Variants in MYH14 observed in about 807,000 individuals in gnomAD.
MYH14 encodes the protein myosin-14.
MYH14 carries 123 observed loss-of-function variants against 255.5 expected under a neutral mutation model. That is an observed-to-expected ratio of 0.48 (90% CI 0.42 to 0.56). The LOEUF is 0.56. Ranked by LOEUF, MYH14 falls within the 20% of genes least tolerant of loss-of-function variation. The pLI, the probability that MYH14 is intolerant of heterozygous loss-of-function variation, is 0.00. For missense variants in MYH14, 2,423 were observed against 2,802.3 expected (o/e 0.86, Z 3.06); for synonymous variants, 1,095 against 1,161.2 (o/e 0.94, Z 1.16).
chr19:50,218,597 C>G (rs1037726391), intron 3 of MYH14, among the ~76,000 whole-genome samples: 2 of 149,154 alleles, frequency 1.3e-5, no homozygotes, highest in African/African-American at 4.9e-5. Flanking sequence ...GACTCTGTCT[C>G]AAAAAAAAAA....
At chr19:50,247,798 G>C (rs1274756262) in intron 12 of MYH14, among the ~76,000 whole-genome samples, 1 of 152,082 alleles carries the variant, frequency 6.6e-6, no homozygotes, top group Non-Finnish European at 1.5e-5. Context: ...GGGTGTGGGG[G>C]CTCATGCCTG....
At chr19:50,222,969 C>A in intron 3 of MYH14, 114 bp from the exon 4 acceptor site, 2 of 1,066,016 alleles carry the variant, frequency 1.9e-6, no homozygotes, top group Non-Finnish European at 2.9e-6. Context: ...AAGACCCAAG[C>A]TTTTCCTTAC....
rs1402533330 is a variant in MYH14 at position 50,278,405 on chromosome 19, CAT to C, written c.4032+118_4032+119del. The C allele has an allele frequency of 1.5e-5, 11 of 737,114 alleles. No homozygotes were observed. In the Admixed American group the frequency reaches 3.1e-4, roughly 21 times the overall value. The allele number at this position is 737,114 out of a possible 1,614,324, so 45.7% of individuals were successfully genotyped here. A position where few individuals can be genotyped will look rare whatever the true frequency, so the allele number is the denominator to read the frequency against. On this transcript the variant is annotated intron_variant, in intron 30 of 42. Coordinates refer to ENST00000642316, the MANE Select transcript of MYH14 (RefSeq NM_001145809.2). ...CAATTGTCTCGTTTGGCTCTTCCAA[CAT>C]AATCATGTACAAGTCTGGGCACAGT... is the stretch of plus-strand genomic sequence containing the variant.
chr19:50,218,278 C>T (rs144096249), intron 3 of MYH14, among the ~76,000 whole-genome samples: 5 of 152,156 alleles, frequency 3.3e-5, no homozygotes, highest in African/African-American at 1.2e-4. Flanking sequence ...CCATGCCTGG[C>T]CTCTTTTTAA....
chr19:50,221,288 T>A lies in MYH14; in HGVS notation c.563-1795T>A, dbSNP rs1477999978. Among the ~76,000 whole-genome samples the A allele has an allele frequency of 1.3e-5, 2 of 152,128 alleles. No individual in the cohort carries two copies. Among genetic ancestry groups the A allele is most frequent in the Non-Finnish European group, 2.9e-5 (2 of 68,022 alleles). ...CAGAGGCACAAAGCAACTCAGAGAC[T>A]GGCCCAAGGTCACGCAGCAAGTCAG... On this transcript the variant is annotated intron_variant, in intron 3 of 42. Coordinates refer to ENST00000642316, the MANE Select transcript of MYH14 (RefSeq NM_001145809.2). This position sits in a 1 kb window ranked among gnomAD's most constrained non-coding sequence, Gnocchi z 5.3.
chr19:50,255,119 TCCTGCCAC>T, intron 16 of MYH14, 93 bp from the exon 17 acceptor site: 3 of 774,058 alleles, frequency 3.9e-6, no homozygotes, highest in Admixed American at 2.0e-5. Flanking sequence ...CTCTTTTTCT[TCCTGCCAC>T]CTCCTCTCCT....
chr19:50,286,612 G>A lies in MYH14; in HGVS notation c.4670G>A (p.Arg1557His), dbSNP rs376288859. ...TRALEEEQEA[R>H]EELERQNRAL... Reference sequence around the variant, plus strand: ...GCACTGGAGGAGGAGCAGGAGGCACGTGAGGAGCTGGAGCGGCAGAACCGG... The same window carrying A: ...GCACTGGAGGAGGAGCAGGAGGCACATGAGGAGCTGGAGCGGCAGAACCGG... Residue 1557 changes from arginine (R) to histidine (H), a missense_variant, in exon 34 of 43, where the codon CGT becomes CAT. Arg to His is a conservative substitution (Grantham distance 29). Coordinates refer to ENST00000642316, the MANE Select transcript of MYH14 (RefSeq NM_001145809.2). 4.8e-5 allele frequency: 77 copies of A among 1,602,770 alleles called. No homozygotes were observed. The African/African-American group carries it at 6.9e-4, about 14-fold the overall frequency.
At chr19:50,273,077 G>T (rs2035369614) in intron 27 of MYH14, among the ~76,000 whole-genome samples, 1 of 152,076 alleles carries the variant, frequency 6.6e-6, no homozygotes, top group South Asian at 2.1e-4. Flanking sequence ...GATCACTTGA[G>T]GTCAGGAGTT....
At chr19:50,206,049 T>C (rs139103437) in intron 1 of MYH14, among the ~76,000 whole-genome samples, 249 of 152,156 alleles carry the variant, frequency 1.6e-3, no homozygotes, top group Non-Finnish European at 3.0e-3. Context: ...TTCCTGCTGG[T>C]TGAGGAAGGG....
rs368210197 is a variant in MYH14, at chr19:50,230,568, G to C, written c.918G>C (p.Glu306Asp). The change falls in exon 9 of 43, where the codon GAG becomes GAC. Residue 306 changes from glutamate to aspartate, a missense_variant. Around this residue, in one of 3 missense-constraint regions of MYH14, gnomAD observed 672 missense variants for 881.8 expected, o/e 0.76. Transcript: ENST00000642316. This position sits in a 1 kb window ranked among gnomAD's most constrained non-coding sequence, Gnocchi z 4.7. ...KSRAIRQAKD[E>D]CSFHIFYQLL... ...GGGCCATCCGCCAGGCCAAGGACGA[G>C]TGCAGCTTCCACATCTTCTACCAGC... The C allele has an allele frequency of 1.3e-6, 2 of 1,572,438 alleles. No homozygotes were observed.
At chr19:50,231,732 A>AAAGAG (rs779680153) in intron 9 of MYH14, among the ~76,000 whole-genome samples, 198 bp from the exon 10 acceptor site, 45 of 46,226 alleles carry the variant, frequency 9.7e-4, no homozygotes, top group South Asian at 1.1e-3. Flanking sequence ...AAAAAAAAAA[A>AAAGAG]ATAGAGACAG....
Position 50,293,207 on chromosome 19 carries a change from C to T in MYH14, c.5257-26C>T. The stretch of plus-strand genomic sequence containing the variant: ...TGCCCAGATTGCTTCTCCTCACACC[C>T]ACCGGCCACCCCTCCATCATCACAG... On this transcript the variant is annotated intron_variant, in intron 37 of 42. Coordinates refer to ENST00000642316, the MANE Select transcript of MYH14 (RefSeq NM_001145809.2). This position sits in a 1 kb window ranked among gnomAD's most constrained non-coding sequence, Gnocchi z 4.1. 2 of 1,561,034 alleles carry T rather than the reference C, an allele frequency of 1.3e-6. No individual in the cohort carries two copies. Among genetic ancestry groups the T allele is most frequent in the South Asian group, 2.3e-5 (2 of 85,398 alleles).
At chr19:50,226,772 G>A in intron 7 of MYH14, 131 bp from the exon 8 acceptor site, 1 of 812,772 alleles carries the variant, frequency 1.2e-6, no homozygotes, top group Non-Finnish European at 2.0e-6. Flanking sequence ...TGGGGTTCAG[G>A]TAGAGGGAGC....
chr19:50,210,499 C>G lies in MYH14; in HGVS notation c.134C>G (p.Ser45Cys), dbSNP rs2032124158. ...SAGGGPGSGT[S>C]PQVEWTARRL... is the part of the protein sequence containing the mutation. ...GGTGGCGGGCCTGGCTCGGGCACCT[C>G]CCCGCAGGTGGAGTGGACGGCCCGG... is the stretch of plus-strand genomic sequence containing the variant. Residue 45 changes from serine (S) to cysteine (C), a missense_variant, in exon 2 of 43, where the codon TCC (serine) becomes TGC (cysteine). Transcript: ENST00000642316. 1 of 1,562,846 alleles carries G rather than the reference C, an allele frequency of 6.4e-7. No individual in the cohort carries two copies. The highest frequency in any genetic ancestry group is 8.7e-7 in the Non-Finnish European group (1 of 1,155,796).
At chr19:50,289,724 C>G (rs964053422) in intron 35 of MYH14, 76 bp downstream of exon 35, 3 of 1,367,052 alleles carry the variant, frequency 2.2e-6, no homozygotes, top group Non-Finnish European at 2.0e-6. Context: ...GCAAGAAGGG[C>G]AGCAAGGGGT....
chr19:50,219,094 T>A (rs67602277), intron 3 of MYH14, among the ~76,000 whole-genome samples: 61,034 of 130,850 alleles, frequency 0.47, 16,675 homozygotes, highest in Non-Finnish European at 0.62. Context: ...GTGTATACAC[T>A]CACACACACA....
At chr19:50,210,793 G>A (rs1248969118) in intron 2 of MYH14, 23 bp downstream of exon 2, 2 of 1,542,538 alleles carry the variant, frequency 1.3e-6, no homozygotes, top group Non-Finnish European at 1.7e-6. Flanking sequence ...CTGCTGGGGG[G>A]CGCGTGCGGC....
At chr19:50,206,790 C>T (rs879491498) in intron 1 of MYH14, among the ~76,000 whole-genome samples, 5 of 151,838 alleles carry the variant, frequency 3.3e-5, no homozygotes, top group African/African-American at 7.3e-5. Context: ...TATGTGGGAG[C>T]GAGGTGGGGA....
intron 42 of MYH14, 95 bp from the exon 43 acceptor site, chr19:50,309,545 C>G (rs2123498628): frequency 1.2e-6 from 1 of 828,988 alleles, no homozygotes; most frequent in East Asian, 2.7e-5. Context: ...TCCTATCTCT[C>G]TCTCTCTCCC....
Sources: allele counts gnomAD v4.1 joint callset (sites outside exome capture counted in the v4.1 genomes callset), GRCh38; gene constraint gnomAD v4.1.1; regional missense constraint gnomAD v4.1.1; non-coding constraint Gnocchi (gnomAD v3.1); transcripts MANE v1.5; gene names NCBI Gene and HGNC (gene_info 2026-07-23, HGNC 2026-07-21).